FOXO1: variants seen among roughly 807,000 people sequenced by gnomAD.
FOXO1 encodes forkhead box protein O1.
FOXO1 carries 6 observed loss-of-function variants against 44.1 expected under a neutral mutation model. The ratio of observed to expected loss-of-function variants is 0.14; its 90% CI spans 0.07 to 0.27. The LOEUF (loss-of-function observed/expected upper bound fraction) is 0.27, where lower values mean the gene tolerates loss of function less well. Ranked by LOEUF, FOXO1 falls within the 10% of genes least tolerant of loss-of-function variation. FOXO1 has a pLI of 1.00. For synonymous variants in FOXO1, 380 were observed against 362.7 expected (o/e 1.05, Z -0.54); for missense variants, 737 against 888.8 (o/e 0.83, Z 2.17).
chr13:40,646,469 C>T (rs1382731183), intron 1 of FOXO1, among the ~76,000 whole-genome samples: 2 of 152,008 alleles, frequency 1.3e-5, no homozygotes, highest in African/African-American at 4.8e-5. Flanking sequence ...GTGTTGGTGC[C>T]GTGAGCTGCG....
chr13:40,597,198 C>A (rs1593393563), intron 1 of FOXO1, among the ~76,000 whole-genome samples: 1 of 151,978 alleles, frequency 6.6e-6, no homozygotes, highest in East Asian at 1.9e-4. Flanking sequence ...CTAGTCTTTC[C>A]TTATACATTC....
chr13:40,597,208 CTCAA>C (rs1316170763), intron 1 of FOXO1, among the ~76,000 whole-genome samples: 6 of 152,178 alleles, frequency 3.9e-5, no homozygotes, highest in South Asian at 2.1e-4. Flanking sequence ...CTTATACATT[CTCAA>C]TCAATCACCA....
At chr13:40,638,026 T>C (rs1006477717) in intron 1 of FOXO1, among the ~76,000 whole-genome samples, 4 of 152,232 alleles carry the variant, frequency 2.6e-5, no homozygotes, top group Non-Finnish European at 5.9e-5. Flanking sequence ...AGTCCACTAC[T>C]GAGTTAACAG....
At chr13:40,611,153 T>C (rs562853294) in intron 1 of FOXO1, 114 of 422,332 alleles carry the variant, frequency 2.7e-4, no homozygotes, top group Non-Finnish European at 4.7e-4. Flanking sequence ...GAGTGAGCAA[T>C]ATATTCTCAG....
rs1878240673 is a variant in FOXO1 at position 40,666,150 on chromosome 13, G to C, written c.63C>G (p.Arg21=). The C allele has an allele frequency of 6.8e-7, 1 of 1,462,214 alleles. No homozygotes were observed. The highest frequency in any genetic ancestry group is 9.0e-7 in the Non-Finnish European group (1 of 1,110,214). 90.6% of individuals were successfully genotyped at this position (1,462,214 alleles called of 1,614,324 possible). ...DPDFEPLPRP[R]SCTWPLPRPE... ...GCCTGGGCAGCGGCCAGGTGCACGA[G>C]CGCGGCCGGGGCAGCGGCTCGAAGT... The change falls in exon 1 of 3, where the codon CGC becomes CGG. Residue 21 remains arginine (R), a synonymous_variant. Transcript: ENST00000379561.
chr13:40,646,944 C>A (rs1007772930), intron 1 of FOXO1, among the ~76,000 whole-genome samples: 1 of 152,116 alleles, frequency 6.6e-6, no homozygotes. Context: ...ACACACTACC[C>A]CAAAATATGA....
At chr13:40,603,140 G>A (rs760992362) in intron 1 of FOXO1, among the ~76,000 whole-genome samples, 4 of 152,078 alleles carry the variant, frequency 2.6e-5, no homozygotes, top group South Asian at 2.1e-4. Flanking sequence ...TGCCTGTACC[G>A]TGTATTTCCA....
chr13:40,646,958 T>C (rs1354870602), intron 1 of FOXO1, among the ~76,000 whole-genome samples: 3 of 152,146 alleles, frequency 2.0e-5, no homozygotes, highest in African/African-American at 7.2e-5. Context: ...AATATGACTG[T>C]AGGAGATCAG....
chr13:40,588,871 G>A (rs1400352715), intron 1 of FOXO1, among the ~76,000 whole-genome samples: 4 of 152,128 alleles, frequency 2.6e-5, no homozygotes, highest in Non-Finnish European at 5.9e-5. Context: ...TTGGGAGGCC[G>A]AGGTGGGCAG....
At chr13:40,653,905 T>C (rs188385409) in intron 1 of FOXO1, among the ~76,000 whole-genome samples, 2 of 152,188 alleles carry the variant, frequency 1.3e-5, no homozygotes, top group East Asian at 1.9e-4. Context: ...ATCTCTAACA[T>C]AGTAAGAGTA....
At chr13:40,656,821 T>C (rs546571991) in intron 1 of FOXO1, among the ~76,000 whole-genome samples, 125 of 152,264 alleles carry the variant, frequency 8.2e-4, no homozygotes, top group African/African-American at 2.9e-3. Flanking sequence ...CACATGCCTA[T>C]CACTCTGAGA....
chr13:40,606,362 T>G (rs937825602), intron 1 of FOXO1, among the ~76,000 whole-genome samples: 1 of 152,118 alleles, frequency 6.6e-6, no homozygotes, highest in African/African-American at 2.4e-5. Flanking sequence ...CAGGCTGGAG[T>G]GCAGTGGCGC....
intron 1 of FOXO1, chr13:40,618,928 A>G: frequency 5.7e-6 from 3 of 526,748 alleles, no homozygotes; most frequent in South Asian, 4.2e-5. Context: ...AAATAACATC[A>G]GAAGAACTGC....
chr13:40,625,565 T>C (rs1339091334), intron 1 of FOXO1, among the ~76,000 whole-genome samples: 1 of 152,250 alleles, frequency 6.6e-6, no homozygotes, highest in East Asian at 1.9e-4. Flanking sequence ...AATCCGTTAT[T>C]AGCTTAGACT....
At chr13:40,633,591 G>A (rs993727359) in intron 1 of FOXO1, among the ~76,000 whole-genome samples, 1 of 152,142 alleles carries the variant, frequency 6.6e-6, no homozygotes, top group Admixed American at 6.5e-5. Context: ...AACACAGAGA[G>A]TAAATGCAGG....
chr13:40,635,984 C>T (rs537984614), intron 1 of FOXO1, among the ~76,000 whole-genome samples: 3 of 152,250 alleles, frequency 2.0e-5, no homozygotes, highest in South Asian at 4.1e-4. Flanking sequence ...CTGAGGCAGG[C>T]GGATCACCTG....
At chr13:40,569,682 T>G (rs1874406645) in intron 1 of FOXO1, among the ~76,000 whole-genome samples, 1 of 152,212 alleles carries the variant, frequency 6.6e-6, no homozygotes, top group African/African-American at 2.4e-5. Context: ...ATTCTGTCGG[T>G]TTTTGAGGTG....
At chr13:40,620,524 C>T in intron 1 of FOXO1, 1 of 461,626 alleles carries the variant, frequency 2.2e-6, no homozygotes, top group Non-Finnish European at 4.1e-6. Context: ...GAGGGTTCAA[C>T]CACTAGAGAG....
intron 1 of FOXO1, among the ~76,000 whole-genome samples, chr13:40,608,107 C>T (rs575798464): frequency 6.6e-6 from 1 of 152,326 alleles, no homozygotes; most frequent in Admixed American, 6.5e-5. Flanking sequence ...CAATAAGACA[C>T]CACCATATAA....
Sources: allele counts gnomAD v4.1 joint callset (sites outside exome capture counted in the v4.1 genomes callset), GRCh38; gene constraint gnomAD v4.1.1; transcripts MANE v1.5; gene names NCBI Gene and HGNC (gene_info 2026-07-23, HGNC 2026-07-21).